The following HERPUD2 variants were observed in gnomAD, a reference collection of about 807,000 sequenced individuals.
HERPUD2 encodes homocysteine-responsive endoplasmic reticulum-resident ubiquitin-like domain member 2 protein.
In HERPUD2, 13 loss-of-function variants were observed where a neutral mutation model predicts 49.9. The ratio of observed to expected loss-of-function variants is 0.26; its 90% confidence interval spans 0.17 to 0.41. The LOEUF is 0.41. HERPUD2 is among the 10% of genes least tolerant of loss of function. The pLI, the probability that HERPUD2 is intolerant of heterozygous loss-of-function variation, is 1.00. For missense variants in HERPUD2, 449 were observed against 492.2 expected, an observed-to-expected ratio of 0.91 and a Z score of 0.83; for synonymous variants, 172 against 171.4, an observed-to-expected ratio of 1.00 and a Z score of -0.03.
At chr7:35,676,680 G>C (rs1785767280) in intron 2 of HERPUD2, among the ~76,000 whole-genome samples, 1 of 152,142 alleles carries the variant, frequency 6.6e-6, no homozygotes, top group Non-Finnish European at 1.5e-5. Flanking sequence ...TTTATAAAGA[G>C]AAACTTAAAT....
chr7:35,635,307 C>A lies in HERPUD2; in HGVS notation c.769G>T (p.Val257Phe), dbSNP rs1284327255. 8.1e-6 allele frequency: 13 copies of A among 1,614,104 alleles called. No homozygotes were observed. Among genetic ancestry groups the A allele is most frequent in the Non-Finnish European group, 1.1e-5 (13 of 1,180,020 alleles). ...AQENRPMNEN[V>F]QMNAQGGPVL... ...GGACCTCCCTGTGCATTCATTTGAA[C>A]ATTCTCATTCATGGGTCGATTTTCT... The change falls in exon 7 of 9, where the codon GTT becomes TTT. Residue 257 changes from valine to phenylalanine, a missense_variant. By Grantham distance (50) the Val-to-Phe change is conservative. Transcript: ENST00000311350.
At chr7:35,669,476 G>A (rs532988080) in intron 4 of HERPUD2, among the ~76,000 whole-genome samples, 50 of 152,290 alleles carry the variant, frequency 3.3e-4, no homozygotes, top group African/African-American at 1.0e-3. Context: ...TGCTCAAGAA[G>A]TTGAAAGCAA....
intron 4 of HERPUD2, 47 bp downstream of exon 4, chr7:35,670,168 G>GAAAAA: frequency 1.1e-6 from 1 of 893,754 alleles, no homozygotes. Flanking sequence ...AGACGACGAC[G>GAAAAA]AAAAAAAAAG....
chr7:35,687,485 T>C (rs909204864), intron 2 of HERPUD2, among the ~76,000 whole-genome samples: 1 of 152,198 alleles, frequency 6.6e-6, no homozygotes, highest in South Asian at 2.1e-4. Flanking sequence ...AAAGAACAAG[T>C]TGGAAACATC....
At chr7:35,684,402 G>GA (rs199736364) in intron 2 of HERPUD2, among the ~76,000 whole-genome samples, 10,455 of 128,614 alleles carry the variant, frequency 0.081, 527 homozygotes, top group South Asian at 0.23. Context: ...AAAAGAAAAA[G>GA]AAAAAAAAAA....
chr7:35,679,073 CAA>C (rs760830159), intron 2 of HERPUD2, among the ~76,000 whole-genome samples: 3 of 152,016 alleles, frequency 2.0e-5, no homozygotes, highest in Non-Finnish European at 2.9e-5. Flanking sequence ...CTTCAAAAGC[CAA>C]AGCTTGGAAA....
At chr7:35,662,143 T>C (rs1438123699) in intron 5 of HERPUD2, among the ~76,000 whole-genome samples, 2 of 152,270 alleles carry the variant, frequency 1.3e-5, no homozygotes, top group Non-Finnish European at 2.9e-5. Context: ...ATGTGGTTTC[T>C]GTCTTTAGTT....
chr7:35,669,072 AG>A (rs1343122893), intron 4 of HERPUD2, among the ~76,000 whole-genome samples: 1 of 152,138 alleles, frequency 6.6e-6, no homozygotes, highest in Non-Finnish European at 1.5e-5. Context: ...CCACTGGACA[AG>A]TCAAAGTCAG....
chr7:35,694,373 A>C lies in HERPUD2; in HGVS notation c.-43T>G. 1 of 1,611,132 alleles carries C rather than the reference A, an allele frequency of 6.2e-7. No individual in the cohort carries two copies. Among genetic ancestry groups the C allele is most frequent in the Non-Finnish European group, 8.5e-7 (1 of 1,177,688 alleles). On this transcript the variant is annotated 5_prime_UTR_variant, in exon 2 of 9. Coordinates refer to ENST00000311350, the MANE Select transcript of HERPUD2 (RefSeq NM_022373.5). ...ACAGAGTCCAGAGGAGCGGCAGTTA[A>C]GCCCAAAAGAGCCGAGATGGTCACC...
chr7:35,687,255 T>C (rs1169329752), intron 2 of HERPUD2, among the ~76,000 whole-genome samples: 3 of 152,142 alleles, frequency 2.0e-5, no homozygotes, highest in Non-Finnish European at 4.4e-5. Flanking sequence ...ACTAGTTAAA[T>C]TGTCAATTTA....
rs1246036475 is a variant in HERPUD2, at chr7:35,638,335, C to T, written c.617+15G>A. ...CACACTGAGTAACTTAAAAAATGAA[C>T]TCAGATTAACTTACTACTGCATATA... On this transcript the variant is annotated intron_variant, in intron 6 of 8. Coordinates refer to ENST00000311350, the MANE Select transcript of HERPUD2 (RefSeq NM_022373.5). The T allele has an allele frequency of 2.6e-6, 4 of 1,560,974 alleles. No individual in the cohort carries two copies. Among genetic ancestry groups the T allele is most frequent in the Non-Finnish European group, 3.5e-6 (4 of 1,149,246 alleles).
rs1355835861 is a variant in HERPUD2 at position 35,686,718 on chromosome 7, C to CAAAAA, written c.147+7461_147+7465dup. Reference sequence around the variant, plus strand: ...TGGGCGACAGAACGACACTCCGTCTCAAAAAAAAAAAAAAAAAAAAAAAAA... The same window carrying CAAAAA: ...TGGGCGACAGAACGACACTCCGTCTCAAAAAAAAAAAAAAAAAAAAAAAAAAAAAA... On this transcript the variant is annotated intron_variant, in intron 2 of 8. Transcript: ENST00000311350. Among the ~76,000 whole-genome samples, 32 of 3,806 alleles carry CAAAAA rather than the reference C, an allele frequency of 8.4e-3. 6 individuals carry two copies. The highest frequency in any genetic ancestry group is 0.017 in the Admixed American group (3 of 178). 2.5% of individuals were successfully genotyped at this position (3,806 alleles called of 152,430 possible).
Position 35,682,341 on chromosome 7 carries a change from GTGTGTGTGTGTGTGTGTATATA to G in HERPUD2, c.148-9085_148-9064del, listed in dbSNP as rs1562686251. Reference sequence around the variant, plus strand: ...CACATACACACGTGTGTGTGTGTGTGTGTGTGTGTGTGTGTGTATATATATATATATATATATATATATATAC... The same window carrying G: ...CACATACACACGTGTGTGTGTGTGTGTATATATATATATATATATATATAC... On this transcript the variant is annotated intron_variant, in intron 2 of 8. Coordinates refer to ENST00000311350, the MANE Select transcript of HERPUD2 (RefSeq NM_022373.5). 1.4e-3 allele frequency among the ~76,000 whole-genome samples: 35 copies of G among 24,968 alleles called. 1 individual carries two copies. Among genetic ancestry groups the G allele is most frequent in the South Asian group, 4.0e-3 (3 of 748 alleles). The allele number at this position is 24,968 out of a possible 152,430, so 16.4% of individuals were successfully genotyped here.
intron 5 of HERPUD2, among the ~76,000 whole-genome samples, chr7:35,657,909 G>A (rs535291946): frequency 5.1e-4 from 77 of 150,368 alleles, no homozygotes; most frequent in Middle Eastern, 6.8e-3. Flanking sequence ...GAGACACAGC[G>A]AGACTCTGTC....
rs200548311 is a variant in HERPUD2 at position 35,633,491 on chromosome 7, T to TAAA, written c.*196_*198dup. ...TTACGCTATGTTCTGTTAGGATCTTTAAAAAAAAAAAAAAAAAACTCAGAT... is the reference window on the plus strand; with the variant it reads ...TTACGCTATGTTCTGTTAGGATCTTTAAAAAAAAAAAAAAAAAAAAACTCAGAT... On this transcript the variant is annotated 3_prime_UTR_variant, in exon 9 of 9. Coordinates refer to ENST00000311350, the MANE Select transcript of HERPUD2 (RefSeq NM_022373.5). 1,062 of 283,730 alleles carry TAAA rather than the reference T, an allele frequency of 3.7e-3. No homozygotes were observed. The highest frequency in any genetic ancestry group is 0.01 in the South Asian group (160 of 15,400). The allele number at this position is 283,730 out of a possible 1,614,324, so 17.6% of individuals were successfully genotyped here.
intron 2 of HERPUD2, among the ~76,000 whole-genome samples, chr7:35,674,396 TATATATATAGAGAGAGAG>T (rs1291568816): frequency 1.7e-5 from 1 of 59,702 alleles, no homozygotes; most frequent in East Asian, 4.4e-4. Flanking sequence ...TATATATATA[TATATATATAGAGAGAGAG>T]AGAGAGAGAG....
At chr7:35,678,754 A>G (rs948790820) in intron 2 of HERPUD2, among the ~76,000 whole-genome samples, 7 of 152,204 alleles carry the variant, frequency 4.6e-5, no homozygotes, top group African/African-American at 1.4e-4. Context: ...ATTTTTGGTT[A>G]AAGAATGTAG....
intron 2 of HERPUD2, among the ~76,000 whole-genome samples, chr7:35,688,297 A>C (rs1280442448): frequency 6.6e-6 from 1 of 152,220 alleles, no homozygotes; most frequent in African/African-American, 2.4e-5. Context: ...ACAGTCACCC[A>C]AACTGCCTCT....
At chr7:35,692,890 T>C (rs1218938251) in intron 2 of HERPUD2, among the ~76,000 whole-genome samples, 1 of 152,234 alleles carries the variant, frequency 6.6e-6, no homozygotes, top group East Asian at 1.9e-4. Context: ...GTGTTAAGTG[T>C]AGAAAGCATA....
Sources: allele counts gnomAD v4.1 joint callset (sites outside exome capture counted in the v4.1 genomes callset), GRCh38; gene constraint gnomAD v4.1.1; transcripts MANE v1.5; gene names NCBI Gene and HGNC (gene_info 2026-07-23, HGNC 2026-07-21).